AK5: variants seen among roughly 807,000 people sequenced by gnomAD.
AK5 encodes adenylate kinase isoenzyme 5.
Under a neutral mutation model 69.5 loss-of-function variants are expected in AK5, and 27 were observed. The observed-to-expected ratio is 0.39, with a 90% CI of 0.29 to 0.54. AK5 has a LOEUF of 0.54. Among genes scored for constraint, AK5 ranks in the 20% least tolerant of loss-of-function variants. AK5 has a pLI of 0.71. For missense variants in AK5, 531 were observed against 700.4 expected, an observed-to-expected ratio of 0.76 and a Z score of 2.73; for synonymous variants, 260 against 244.4, an observed-to-expected ratio of 1.06 and a Z score of -0.60.
chr1:77,432,414 A>G lies in AK5; in HGVS notation c.1059+14699A>G, dbSNP rs1286428645. 8.5e-5 allele frequency among the ~76,000 whole-genome samples: 13 copies of G among 152,200 alleles called. 1 individual carries two copies. The highest frequency in any genetic ancestry group is 1.5e-5 in the Non-Finnish European group (1 of 68,040). Reference sequence around the variant, plus strand: ...TGCTATGTTCAGTTTTGTCTATTCCATAGTATTTTGGCCACAATCTCAAAG... The same window carrying G: ...TGCTATGTTCAGTTTTGTCTATTCCGTAGTATTTTGGCCACAATCTCAAAG... On this transcript the variant is annotated intron_variant, in intron 8 of 13. Transcript: ENST00000354567.
chr1:77,443,094 T>C lies in AK5; in HGVS notation c.1059+25379T>C, dbSNP rs572845542. Among the ~76,000 whole-genome samples the C allele has an allele frequency of 1.1e-4, 16 of 152,344 alleles. No individual in the cohort carries two copies. The South Asian group carries it at 3.1e-3, about 30-fold the overall frequency. ...ATTCTGCATCTTCTGACTTGAGATC[T>C]TCTGTAATAATTAAACATTAATTTC... On this transcript the variant is annotated intron_variant, in intron 8 of 13. Coordinates refer to ENST00000354567, the MANE Select transcript of AK5 (RefSeq NM_174858.3).
At chr1:77,422,302 T>G (rs1043944809) in intron 8 of AK5, among the ~76,000 whole-genome samples, 2 of 152,176 alleles carry the variant, frequency 1.3e-5, no homozygotes, top group Admixed American at 6.6e-5. Flanking sequence ...TGCTCACCCA[T>G]CAAATTATCT....
chr1:77,442,406 G>T (rs902604621), intron 8 of AK5, among the ~76,000 whole-genome samples: 2 of 152,192 alleles, frequency 1.3e-5, no homozygotes, highest in Non-Finnish European at 2.9e-5. Flanking sequence ...GGGCTTAAGT[G>T]CTTGTGAGGG....
rs555684291 is a variant in AK5, at chr1:77,401,739, A to C, written c.892-9242A>C. Among the ~76,000 whole-genome samples, 31 of 152,300 alleles carry C rather than the reference A, an allele frequency of 2.0e-4. 2 individuals carry two copies. The East Asian group carries it at 3.9e-3, about 19-fold the overall frequency. ...ATTTCCGCCATTAAAAATGCAAACC[A>C]TGATTATAGTTTTCTCCTCAGATGG... On this transcript the variant is annotated intron_variant, in intron 6 of 13. Transcript: ENST00000354567.
chr1:77,376,437 AAAAAAAAAAAAAAC>A (rs1396740778), intron 6 of AK5, among the ~76,000 whole-genome samples: 27 of 44,980 alleles, frequency 6.0e-4, no homozygotes, highest in South Asian at 3.1e-3. Flanking sequence ...CAATGCCAAA[AAAAAAAAAAAAAAC>A]AAAAAAAAAA....
rs1310762492 is a variant in AK5, at chr1:77,339,499, G to C, written c.700-878G>C. Among the ~76,000 whole-genome samples, 4 of 152,194 alleles carry C rather than the reference G, an allele frequency of 2.6e-5. No individual in the cohort carries two copies. The East Asian group carries it at 7.7e-4, about 29-fold the overall frequency. On this transcript the variant is annotated intron_variant, in intron 5 of 13. Coordinates refer to ENST00000354567, the MANE Select transcript of AK5 (RefSeq NM_174858.3). Reference sequence around the variant, plus strand: ...GATAGTGAAAGGAACAGAGGCCTTAGACCAGACAGACTTGAGTTCAAACAT... The same window carrying C: ...GATAGTGAAAGGAACAGAGGCCTTACACCAGACAGACTTGAGTTCAAACAT...
At chr1:77,312,705 G>A (rs569018616) in intron 5 of AK5, among the ~76,000 whole-genome samples, 18 of 152,016 alleles carry the variant, frequency 1.2e-4, no homozygotes, top group African/African-American at 2.9e-4. Context: ...CAGAGCTGAG[G>A]TGTTCTTAAA....
intron 6 of AK5, among the ~76,000 whole-genome samples, chr1:77,406,681 A>G (rs1273232696): frequency 7.8e-6 from 1 of 128,980 alleles, no homozygotes; most frequent in African/African-American, 3.3e-5. Flanking sequence ...CTGCATGCAC[A>G]TGAGGAAATT....
intron 6 of AK5, among the ~76,000 whole-genome samples, chr1:77,368,281 T>C (rs1647050986): frequency 1.0e-5 from 1 of 96,306 alleles, no homozygotes; most frequent in African/African-American, 3.6e-5. Context: ...ATGTTATATA[T>C]GTTATATATA....
intron 10 of AK5, among the ~76,000 whole-genome samples, chr1:77,498,877 TAAAC>T (rs1656524728): frequency 6.6e-6 from 1 of 152,234 alleles, no homozygotes; most frequent in African/African-American, 2.4e-5. Flanking sequence ...TTGTTAAAAT[TAAAC>T]ACTCCCTAAG....
chr1:77,553,881 CA>C (rs1179975390), intron 13 of AK5, among the ~76,000 whole-genome samples: 1 of 152,058 alleles, frequency 6.6e-6, no homozygotes, highest in Non-Finnish European at 1.5e-5. Flanking sequence ...GGGCTGTGGG[CA>C]GAAACAGATT....
chr1:77,521,883 G>A lies in AK5; in HGVS notation c.1368G>A (p.Arg456=), dbSNP rs752110785. The change falls in exon 12 of 14, where the codon AGG becomes AGA. Residue 456 remains arginine (R), a synonymous_variant. Transcript: ENST00000354567. The stretch of plus-strand genomic sequence containing the variant: ...TGGTGGCCAGCCTCGGGGACACCAG[G>A]GGCTTCCTGATTGACGGCTATCCTC... ...EAMVASLGDT[R]GFLIDGYPRE... The A allele has an allele frequency of 2.0e-5, 32 of 1,613,574 alleles. No homozygotes were observed. The highest frequency in any genetic ancestry group is 6.7e-5 in the Admixed American group (4 of 59,886).
At chr1:77,319,478 C>T (rs1660411287) in intron 5 of AK5, among the ~76,000 whole-genome samples, 1 of 152,214 alleles carries the variant, frequency 6.6e-6, no homozygotes, top group Non-Finnish European at 1.5e-5. Context: ...GCACTGCCCA[C>T]AGCAGTTGTT....
At chr1:77,407,080 TAAAA>T (rs61188538) in intron 6 of AK5, among the ~76,000 whole-genome samples, 35 of 146,792 alleles carry the variant, frequency 2.4e-4, no homozygotes, top group African/African-American at 6.2e-4. Context: ...CATAATGAGG[TAAAA>T]AAAAAAAAAA....
At chr1:77,542,404 G>A (rs922253050) in intron 13 of AK5, among the ~76,000 whole-genome samples, 8 of 152,182 alleles carry the variant, frequency 5.3e-5, no homozygotes, top group Non-Finnish European at 8.8e-5. Flanking sequence ...AGAATGCATT[G>A]TTGGGAGTGA....
chr1:77,506,922 C>G (rs1202519488), intron 10 of AK5, among the ~76,000 whole-genome samples: 1 of 152,006 alleles, frequency 6.6e-6, no homozygotes, highest in Non-Finnish European at 1.5e-5. Flanking sequence ...TCGCTTGAAG[C>G]CAGAAGGCAG....
At chr1:77,451,989 T>G (rs533773937) in intron 8 of AK5, among the ~76,000 whole-genome samples, 2 of 152,352 alleles carry the variant, frequency 1.3e-5, no homozygotes, top group South Asian at 4.1e-4. Context: ...ATTTCTTTAT[T>G]TATGTACTTT....
intron 8 of AK5, among the ~76,000 whole-genome samples, chr1:77,454,012 A>G (rs968755036): frequency 4.6e-5 from 7 of 152,044 alleles, no homozygotes; most frequent in African/African-American, 9.7e-5. Flanking sequence ...CTGGTCCAAA[A>G]AGTTTGAGGA....
rs181731863 is a variant in AK5 at position 77,298,902 on chromosome 1, C to T, written c.699+955C>T. ...ACAAATTTTAAGTCTATCTGTAAAACGTGAAAGTCCATCAATACCCTCCCA... is the reference window on the plus strand; with the variant it reads ...ACAAATTTTAAGTCTATCTGTAAAATGTGAAAGTCCATCAATACCCTCCCA... On this transcript the variant is annotated intron_variant, in intron 5 of 13. Transcript: ENST00000354567. Among the ~76,000 whole-genome samples the T allele has an allele frequency of 7.2e-5, 11 of 152,208 alleles. No individual in the cohort carries two copies. The East Asian group carries it at 9.6e-4, about 13-fold the overall frequency.
Sources: allele counts gnomAD v4.1 joint callset (sites outside exome capture counted in the v4.1 genomes callset), GRCh38; gene constraint gnomAD v4.1.1; transcripts MANE v1.5; gene names NCBI Gene and HGNC (gene_info 2026-07-23, HGNC 2026-07-21).